The following DES variants were observed in gnomAD, a reference collection of about 807,000 sequenced individuals.
The protein encoded by DES is desmin.
A neutral mutation model predicts 55.1 loss-of-function variants in DES; 34 were observed. The observed-to-expected ratio is 0.62, with a 90% CI of 0.47 to 0.82. The LOEUF (loss-of-function observed/expected upper bound fraction) is 0.82, where lower values mean the gene tolerates loss of function less well. DES is among the 40% of genes least tolerant of loss of function. The probability of loss-of-function intolerance (pLI) is 0.00; values close to 1 mark genes in which losing one functional copy is unlikely to be tolerated. For synonymous variants in DES, 259 were observed against 270.8 expected (o/e 0.96, Z 0.43); for missense variants, 596 against 645.9 (o/e 0.92, Z 0.84).
Position 219,419,136 on chromosome 2 carries a change from C to A in DES, c.578+96C>A. ...TCCCGCTGTCAGCACCTGCCTTCTC[C>A]CGGGGCCCGGGACCCTCTCCTGCCC... On this transcript the variant is annotated intron_variant, in intron 1 of 8. Coordinates refer to ENST00000373960, the MANE Select transcript of DES (RefSeq NM_001927.4). The surrounding 1 kb of genome is among the most constrained non-coding windows in gnomAD (Gnocchi z 4.3). 6.5e-7 allele frequency: 1 copy of A among 1,529,960 alleles called. No individual in the cohort carries two copies. Among genetic ancestry groups the A allele is most frequent in the Non-Finnish European group, 8.7e-7 (1 of 1,144,048 alleles). The allele number at this position is 1,529,960 out of a possible 1,614,324, so 94.8% of individuals were successfully genotyped here.
chr2:219,423,924 G>T, intron 7 of DES, 104 bp downstream of exon 7: 2 of 1,296,978 alleles, frequency 1.5e-6, no homozygotes, highest in Admixed American at 1.7e-5. Flanking sequence ...CCTGGGGCTA[G>T]GGACAGACCT....
Position 219,420,436 on chromosome 2 carries a change from G to A in DES, c.736-59G>A, listed in dbSNP as rs776181610. Reference sequence around the variant, plus strand: ...GGGGTGAGGCTCTGGCTGGGAATAGGGGTGTGAGGGTGCTGTGTGGGCCCT... The same window carrying A: ...GGGGTGAGGCTCTGGCTGGGAATAGAGGTGTGAGGGTGCTGTGTGGGCCCT... On this transcript the variant is annotated intron_variant, in intron 3 of 8. Coordinates refer to ENST00000373960, the MANE Select transcript of DES (RefSeq NM_001927.4). The surrounding 1 kb of genome is among the most constrained non-coding windows in gnomAD (Gnocchi z 6.0). 5.6e-6 allele frequency: 9 copies of A among 1,612,872 alleles called. No individual in the cohort carries two copies. Among genetic ancestry groups the A allele is most frequent in the Non-Finnish European group, 6.8e-6 (8 of 1,179,376 alleles).
intron 5 of DES, 54 bp downstream of exon 5, chr2:219,421,007 C>T (rs1954431291): frequency 6.3e-7 from 1 of 1,594,598 alleles, no homozygotes. Flanking sequence ...GCAGTTCACA[C>T]CCTCACTTTG....
At position 219,420,502 on chromosome 2, in the gene DES, G is replaced by T. The variant is rs375906682; in HGVS notation, c.743G>T (p.Arg248Leu). 1.2e-6 allele frequency: 2 copies of T among 1,613,852 alleles called. No individual in the cohort carries two copies. Among genetic ancestry groups the T allele is most frequent in the African/African-American group, 2.7e-5 (2 of 74,904 alleles). ...FLKKVHEEEI[R>L]ELQAQLQEQQ... Reference sequence around the variant, plus strand: ...CCCAGTCATGCCCTACAGGAGATCCGTGAGTTGCAGGCTCAGCTTCAGGAA... The same window carrying T: ...CCCAGTCATGCCCTACAGGAGATCCTTGAGTTGCAGGCTCAGCTTCAGGAA... Residue 248 changes from arginine (R) to leucine (L), a missense_variant, in exon 4 of 9, where the codon CGT becomes CTT. By Grantham distance (102) the Arg-to-Leu change is moderately radical (BLOSUM62 -2). Transcript: ENST00000373960. This position sits in a 1 kb window ranked among gnomAD's most constrained non-coding sequence, Gnocchi z 6.0.
chr2:219,424,524 G>A (rs1371913896), intron 7 of DES, among the ~76,000 whole-genome samples: 5 of 152,114 alleles, frequency 3.3e-5, no homozygotes, highest in Non-Finnish European at 7.3e-5. Context: ...AACACGCTGC[G>A]CTCCAGCGAG....
chr2:219,419,084 A>G lies in DES; in HGVS notation c.578+44A>G, dbSNP rs1304553602. 7 of 1,535,222 alleles carry G rather than the reference A, an allele frequency of 4.6e-6. No individual in the cohort carries two copies. The Admixed American group carries it at 5.9e-5, about 13-fold the overall frequency. On this transcript the variant is annotated intron_variant, in intron 1 of 8. Coordinates refer to ENST00000373960, the MANE Select transcript of DES (RefSeq NM_001927.4). This position sits in a 1 kb window ranked among gnomAD's most constrained non-coding sequence, Gnocchi z 4.3. ...AGACTCCTCTTTCTGCGGGCAGGGC[A>G]CAGGAGGCTAGGCCTGGGGTCTGGG...
At position 219,420,267 on chromosome 2, in the gene DES, C is replaced by T. The variant is rs144901249; in HGVS notation, c.656C>T (p.Thr219Ile). The change falls in exon 3 of 9, where the codon ACT (threonine) becomes ATT (isoleucine). Residue 219 changes from threonine to isoleucine, a missense_variant. Transcript: ENST00000373960. This position sits in a 1 kb window ranked among gnomAD's most constrained non-coding sequence, Gnocchi z 6.0. ...CTCTCCCAGGACGTGGATGCAGCTA[C>T]TCTAGCTCGCATTGACCTGGAGCGC... The part of the protein sequence containing the change: ...AAFRADVDAA[T>I]LARIDLERRI... 8.4e-5 allele frequency: 136 copies of T among 1,614,218 alleles called. No homozygotes were observed. In the African/African-American group the frequency reaches 1.8e-3, roughly 21 times the overall value.
rs1954533577 is a variant in DES at position 219,426,180 on chromosome 2, C to T, written c.*190C>T. ...AGCCCATCCCTGCCTGGTCACAGGG[C>T]ATGCCCCGGCCACCTCTGCGGACCC... On this transcript the variant is annotated 3_prime_UTR_variant, in exon 9 of 9. Coordinates refer to ENST00000373960, the MANE Select transcript of DES (RefSeq NM_001927.4). This position sits in a 1 kb window ranked among gnomAD's most constrained non-coding sequence, Gnocchi z 4.5. 5.6e-6 allele frequency: 4 copies of T among 716,140 alleles called. No homozygotes were observed. In the African/African-American group the frequency reaches 6.9e-5, roughly 12 times the overall value. 44.4% of individuals were successfully genotyped at this position (716,140 alleles called of 1,614,324 possible).
At position 219,420,496 on chromosome 2, in the gene DES, A is replaced by G. The variant is rs1337952537; in HGVS notation, c.737A>G (p.Glu246Gly). 6.2e-7 allele frequency: 1 copy of G among 1,613,908 alleles called. No homozygotes were observed. Among genetic ancestry groups the G allele is most frequent in the South Asian group, 1.1e-5 (1 of 91,076 alleles). The change falls in exon 4 of 9, where the codon GAG becomes GGG. Residue 246 changes from glutamate (E) to glycine (G), a missense_variant and splice_region_variant. Transcript: ENST00000373960. This position sits in a 1 kb window ranked among gnomAD's most constrained non-coding sequence, Gnocchi z 6.0. ...IAFLKKVHEE[E>G]IRELQAQLQE... ...CTGAAGCCCAGTCATGCCCTACAGG[A>G]GATCCGTGAGTTGCAGGCTCAGCTT...
rs1263537980 is a variant in DES, at chr2:219,420,552, A to G, written c.793A>G (p.Met265Val). ...ACAGCAGGTCCAGGTGGAGATGGAC[A>G]TGTCTAAGCCAGACCTCACTGCCGC... ...QEQQVQVEMD[M>V]SKPDLTAALR... The change falls in exon 4 of 9, where the codon ATG becomes GTG. Residue 265 changes from methionine to valine, a missense_variant. Coordinates refer to ENST00000373960, the MANE Select transcript of DES (RefSeq NM_001927.4). The surrounding 1 kb of genome is among the most constrained non-coding windows in gnomAD (Gnocchi z 6.0). 2 of 1,613,950 alleles carry G rather than the reference A, an allele frequency of 1.2e-6. No homozygotes were observed. Among genetic ancestry groups the G allele is most frequent in the Non-Finnish European group, 1.7e-6 (2 of 1,180,000 alleles).
At chr2:219,424,196 A>G (rs1418057740) in intron 7 of DES, among the ~76,000 whole-genome samples, 2 of 152,152 alleles carry the variant, frequency 1.3e-5, no homozygotes, top group Admixed American at 1.3e-4. Context: ...CCCACAGCCC[A>G]TTGTCTGTTT....
Position 219,418,407 on chromosome 2 carries a change from G to C in DES, c.-56G>C, listed in dbSNP as rs1954355489. On this transcript the variant is annotated 5_prime_UTR_variant, in exon 1 of 9. Transcript: ENST00000373960. ...CCCTCGCCGCATCCACTCTCCGGCC[G>C]GCCGCCTGCCCGCCGCCTCCTCCGT... is the stretch of plus-strand genomic sequence containing the variant. 8.6e-6 allele frequency: 13 copies of C among 1,514,008 alleles called. No individual in the cohort carries two copies. In the South Asian group the frequency reaches 1.5e-4, roughly 17 times the overall value. 93.8% of individuals were successfully genotyped at this position (1,514,008 alleles called of 1,614,324 possible). A position where few individuals can be genotyped will look rare whatever the true frequency, so the allele number is the denominator to read the frequency against.
intron 6 of DES, among the ~76,000 whole-genome samples, chr2:219,423,432 G>A (rs1175148778): frequency 6.8e-6 from 1 of 146,476 alleles, no homozygotes; most frequent in Non-Finnish European, 1.5e-5. Context: ...AGGGAAAGAT[G>A]GGAGGGTTCT....
In DES at chr2:219,425,662, G is replaced by A; in HGVS notation, c.1289-1G>A. 6.4e-7 allele frequency: 1 copy of A among 1,571,972 alleles called. No homozygotes were observed. Among genetic ancestry groups the A allele is most frequent in the Non-Finnish European group, 8.6e-7 (1 of 1,158,090 alleles). On this transcript the variant is annotated splice_acceptor_variant, in intron 7 of 8. Transcript: ENST00000373960. LOFTEE classifies it high-confidence loss of function. Reference sequence around the variant, plus strand: ...TGAGTGTGCGATGGACCCTGTTACAGAAACCAGCCCTGAGCAAAGGGGTTC... The same window carrying A: ...TGAGTGTGCGATGGACCCTGTTACAAAAACCAGCCCTGAGCAAAGGGGTTC...
In DES at chr2:219,418,431, G is replaced by A. The variant is rs746935647; in HGVS notation, c.-32G>A. 4.5e-6 allele frequency: 7 copies of A among 1,543,346 alleles called. No individual in the cohort carries two copies. Among genetic ancestry groups the A allele is most frequent in the South Asian group, 1.2e-5 (1 of 85,338 alleles). ...CGGCCGCCTGCCCGCCGCCTCCTCCGTGCGCCCGCCAGCCTCGCCCGCGCC... is the reference window on the plus strand; with the variant it reads ...CGGCCGCCTGCCCGCCGCCTCCTCCATGCGCCCGCCAGCCTCGCCCGCGCC... On this transcript the variant is annotated 5_prime_UTR_variant, in exon 1 of 9. The change creates a new upstream start codon in the 5' untranslated region. Transcript: ENST00000373960.
intron 7 of DES, among the ~76,000 whole-genome samples, chr2:219,424,300 T>C (rs148452165): frequency 1.7e-4 from 26 of 152,242 alleles, no homozygotes; most frequent in South Asian, 1.7e-3. Flanking sequence ...AAATGCCAAA[T>C]CTTAGCAAAG....
chr2:219,421,613 A>C, intron 6 of DES, 53 bp downstream of exon 6: 1 of 1,558,888 alleles, frequency 6.4e-7, no homozygotes, highest in Admixed American at 1.7e-5. Flanking sequence ...TGGGTGGTCC[A>C]TTTCTGTCCC....
rs572525055 is a variant in DES, at chr2:219,425,683, G to T, written c.1309G>T (p.Gly437Cys). 2 of 1,587,700 alleles carry T rather than the reference G, an allele frequency of 1.3e-6. No individual in the cohort carries two copies. The highest frequency in any genetic ancestry group is 1.7e-6 in the Non-Finnish European group (2 of 1,166,786). ...TACAGAAACCAGCCCTGAGCAAAGG[G>T]GTTCTGAGGTCCATACCAAGAAGAC... ...NFRETSPEQR[G>C]SEVHTKKTVM... The change falls in exon 8 of 9, where the codon GGT becomes TGT. Residue 437 changes from glycine to cysteine, a missense_variant. By Grantham distance (159) the Gly-to-Cys change is radical. Transcript: ENST00000373960.
In DES at chr2:219,420,603, G is replaced by A; in HGVS notation, c.844G>A (p.Glu282Lys). ...AALRDIRAQY[E>K]TIAAKNISEA... is the part of the protein sequence containing the mutation. ...CCTCAGGGACATCCGGGCTCAGTAT[G>A]AGACCATCGCGGCTAAGAACATTTC... The change falls in exon 4 of 9, where the codon GAG becomes AAG. Residue 282 changes from glutamate to lysine, a missense_variant. Glu to Lys is a moderately conservative substitution (Grantham distance 56). Transcript: ENST00000373960. This position sits in a 1 kb window ranked among gnomAD's most constrained non-coding sequence, Gnocchi z 6.0. 1 of 1,614,074 alleles carries A rather than the reference G, an allele frequency of 6.2e-7. No individual in the cohort carries two copies. The highest frequency in any genetic ancestry group is 8.5e-7 in the Non-Finnish European group (1 of 1,180,012).
Sources: allele counts gnomAD v4.1 joint callset (sites outside exome capture counted in the v4.1 genomes callset), GRCh38; gene constraint gnomAD v4.1.1; non-coding constraint Gnocchi (gnomAD v3.1); transcripts MANE v1.5; gene names NCBI Gene and HGNC (gene_info 2026-07-23, HGNC 2026-07-21).